IL33: variants seen among roughly 807,000 people sequenced by gnomAD.
The protein encoded by IL33 is interleukin-33.
In IL33, 37 loss-of-function variants were observed where a neutral mutation model predicts 27.3. The observed-to-expected ratio is 1.36, with a 90% CI of 1.04 to 1.78. The LOEUF (loss-of-function observed/expected upper bound fraction) is 1.78, where lower values mean the gene tolerates loss of function less well. Ranked by LOEUF, IL33 falls within the 40% of genes most tolerant of loss-of-function variation. The pLI, the probability that IL33 is intolerant of heterozygous loss-of-function variation, is 0.00. For synonymous variants in IL33, 132 were observed against 102.9 expected (o/e 1.28, Z -1.71); for missense variants, 406 against 311.4 (o/e 1.30, Z -2.29).
rs1021889815 is a variant in IL33, at chr9:6,256,363, G to A, written c.*195G>A. The A allele has an allele frequency of 3.7e-5, 21 of 569,316 alleles. No homozygotes were observed. The highest frequency in any genetic ancestry group is 5.5e-5 in the Non-Finnish European group (18 of 324,544). 35.3% of individuals were successfully genotyped at this position (569,316 alleles called of 1,614,324 possible). A position where few individuals can be genotyped will look rare whatever the true frequency, so the allele number is the denominator to read the frequency against. ...TTCTTTTATTTCCCTCTGTATAACT[G>A]CATCTTCAATACAAGTATCAGTATA... On this transcript the variant is annotated 3_prime_UTR_variant, in exon 8 of 8. Coordinates refer to ENST00000682010, the MANE Select transcript of IL33 (RefSeq NM_033439.4).
intron 4 of IL33, among the ~76,000 whole-genome samples, 192 bp from the exon 5 acceptor site, chr9:6,252,674 G>C (rs957671645): frequency 6.6e-6 from 1 of 152,184 alleles, no homozygotes; most frequent in South Asian, 2.1e-4. Flanking sequence ...CAGGACACTA[G>C]CACCTTTAAT....
At chr9:6,228,581 G>A (rs1466360531) in intron 1 of IL33, among the ~76,000 whole-genome samples, 1 of 151,790 alleles carries the variant, frequency 6.6e-6, no homozygotes, top group African/African-American at 2.4e-5. Flanking sequence ...CAACAGCCAG[G>A]CATGGTGGCT....
chr9:6,241,602 T>A, intron 1 of IL33, 82 bp from the exon 2 acceptor site: 5 of 719,526 alleles, frequency 6.9e-6, no homozygotes, highest in Non-Finnish European at 1.2e-5. Flanking sequence ...ATGTTACCAA[T>A]TTGGTAGTGA....
At chr9:6,255,418 A>G (rs538024962) in intron 7 of IL33, among the ~76,000 whole-genome samples, 3 of 152,238 alleles carry the variant, frequency 2.0e-5, no homozygotes, top group African/African-American at 7.2e-5. Context: ...ACTGAGCTCT[A>G]TTATATAGCA....
chr9:6,251,105 T>C (rs1564071827), intron 3 of IL33, 35 bp from the exon 4 acceptor site: 2 of 1,604,468 alleles, frequency 1.2e-6, no homozygotes, highest in Non-Finnish European at 1.7e-6. Context: ...AGAGTGGGGA[T>C]TGATGGTCTA....
chr9:6,237,809 A>G (rs936271771), intron 1 of IL33, among the ~76,000 whole-genome samples: 1 of 152,216 alleles, frequency 6.6e-6, no homozygotes, highest in African/African-American at 2.4e-5. Flanking sequence ...TTTCTAGGAT[A>G]TAAGTATCTT....
intron 1 of IL33, among the ~76,000 whole-genome samples, chr9:6,221,668 AC>A (rs1256436338): frequency 6.6e-6 from 1 of 152,168 alleles, no homozygotes; most frequent in Non-Finnish European, 1.5e-5. Context: ...CTGGGTTTAG[AC>A]CCGTTGGTTC....
intron 1 of IL33, among the ~76,000 whole-genome samples, chr9:6,218,141 G>A (rs767572803): frequency 1.3e-5 from 2 of 152,136 alleles, no homozygotes; most frequent in Non-Finnish European, 2.9e-5. Context: ...AGAACTTCTA[G>A]CACAAGCATC....
At chr9:6,255,252 A>C (rs1816657353) in intron 7 of IL33, among the ~76,000 whole-genome samples, 1 of 152,170 alleles carries the variant, frequency 6.6e-6, no homozygotes, top group African/African-American at 2.4e-5. Flanking sequence ...TAAATTATAC[A>C]AACACAGAAA....
At chr9:6,232,518 C>T (rs1818973915) in intron 1 of IL33, among the ~76,000 whole-genome samples, 1 of 152,118 alleles carries the variant, frequency 6.6e-6, no homozygotes, top group East Asian at 1.9e-4. Flanking sequence ...AAGCATACTC[C>T]TTACTCTCTC....
chr9:6,254,474 A>G lies in IL33; in HGVS notation c.533A>G (p.Asp178Gly). The G allele has an allele frequency of 6.3e-7, 1 of 1,584,018 alleles. No individual in the cohort carries two copies. The highest frequency in any genetic ancestry group is 8.6e-7 in the Non-Finnish European group (1 of 1,162,130). ...TCTTAATTGTAAGGTGACGGTGTTG[A>G]TGGTAAGATGTTAATGGTAACCCTG... ...HPSNESGDGV[D>G]GKMLMVTLSP... The change falls in exon 7 of 8, where the codon GAT becomes GGT. Residue 178 changes from aspartate (D) to glycine (G), a missense_variant. Physicochemically the swap from Asp to Gly is moderately conservative, Grantham distance 94. Coordinates refer to ENST00000682010, the MANE Select transcript of IL33 (RefSeq NM_033439.4).
chr9:6,234,349 C>A (rs1819075328), intron 1 of IL33, among the ~76,000 whole-genome samples: 1 of 152,220 alleles, frequency 6.6e-6, no homozygotes. Context: ...AACTAATTCC[C>A]TGTCCCTGTC....
At chr9:6,232,869 C>T (rs1818990692) in intron 1 of IL33, among the ~76,000 whole-genome samples, 1 of 152,200 alleles carries the variant, frequency 6.6e-6, no homozygotes, top group South Asian at 2.1e-4. Flanking sequence ...TGACCACCAT[C>T]ATCATCAGAA....
At chr9:6,238,564 G>C (rs1008109637) in intron 1 of IL33, among the ~76,000 whole-genome samples, 3 of 152,118 alleles carry the variant, frequency 2.0e-5, no homozygotes, top group Non-Finnish European at 4.4e-5. Context: ...GGACAAAATA[G>C]GGTGCCTAAA....
intron 2 of IL33, among the ~76,000 whole-genome samples, chr9:6,247,757 C>G (rs564455876): frequency 6.6e-6 from 1 of 151,980 alleles, no homozygotes; most frequent in Admixed American, 6.6e-5. Context: ...AGAACACAAC[C>G]CTCACACTTT....
intron 4 of IL33, 133 bp from the exon 5 acceptor site, chr9:6,252,733 C>G (rs937076512): frequency 9.8e-7 from 1 of 1,022,002 alleles, no homozygotes; most frequent in East Asian, 2.5e-5. Flanking sequence ...AAACTTGTAT[C>G]AAAGGCTTTA....
intron 1 of IL33, among the ~76,000 whole-genome samples, chr9:6,218,156 T>C (rs1364879883): frequency 6.6e-6 from 1 of 152,200 alleles, no homozygotes; most frequent in Non-Finnish European, 1.5e-5. Context: ...AGCATCGCAC[T>C]TTCCTCAGCT....
chr9:6,249,597 A>G (rs776564128), intron 2 of IL33, among the ~76,000 whole-genome samples: 2 of 152,168 alleles, frequency 1.3e-5, no homozygotes, highest in Non-Finnish European at 2.9e-5. Context: ...TGACTGATTT[A>G]ATTTGAATTT....
chr9:6,251,267 T>C lies in IL33; in HGVS notation c.343+2T>C. The C allele has an allele frequency of 6.2e-7, 1 of 1,612,896 alleles. No homozygotes were observed. Among genetic ancestry groups the C allele is most frequent in the Non-Finnish European group, 8.5e-7 (1 of 1,179,180 alleles). ...CACTTCATGATTCAAGTATCACAGG[T>C]ATGACTGGTTACAGGGGTGATGTGG... On this transcript the variant is annotated splice_donor_variant, in intron 4 of 7. Coordinates refer to ENST00000682010, the MANE Select transcript of IL33 (RefSeq NM_033439.4). LOFTEE classifies it high-confidence loss of function.
Sources: allele counts gnomAD v4.1 joint callset (sites outside exome capture counted in the v4.1 genomes callset), GRCh38; gene constraint gnomAD v4.1.1; transcripts MANE v1.5; gene names NCBI Gene and HGNC (gene_info 2026-07-23, HGNC 2026-07-21).